The following JPH1 variants were observed in gnomAD, a reference collection of about 807,000 sequenced individuals.
The protein encoded by JPH1 is junctophilin 1.
JPH1 carries 12 observed loss-of-function variants against 53.6 expected under a neutral mutation model. The observed-to-expected ratio is 0.22, with a 90% CI of 0.14 to 0.36. The LOEUF is 0.36. JPH1 is among the 10% of genes least tolerant of loss of function. The pLI, the probability that JPH1 is intolerant of heterozygous loss-of-function variation, is 1.00. For synonymous variants in JPH1, 375 were observed against 363.8 expected, an observed-to-expected ratio of 1.03 and a Z score of -0.35; for missense variants, 808 against 905.5, an observed-to-expected ratio of 0.89 and a Z score of 1.38.
At chr8:74,296,662 A>G (rs1480521424) in intron 2 of JPH1, among the ~76,000 whole-genome samples, 1 of 152,210 alleles carries the variant, frequency 6.6e-6, no homozygotes, top group Admixed American at 6.5e-5. Flanking sequence ...TGCTTGATTC[A>G]GGGCCTGCAA....
chr8:74,276,573 G>A (rs1806855275), intron 2 of JPH1, among the ~76,000 whole-genome samples: 2 of 152,166 alleles, frequency 1.3e-5, no homozygotes, highest in South Asian at 2.1e-4. Context: ...TGTTAACACC[G>A]AGTGCTTATT....
chr8:74,303,573 G>A (rs550510539), intron 2 of JPH1, among the ~76,000 whole-genome samples: 1 of 152,258 alleles, frequency 6.6e-6, no homozygotes, highest in African/African-American at 2.4e-5. Context: ...TAGATCACTA[G>A]TTAGCAGATA....
intron 1 of JPH1, among the ~76,000 whole-genome samples, chr8:74,318,338 T>A (rs1276598438): frequency 3.3e-5 from 5 of 152,212 alleles, no homozygotes; most frequent in Admixed American, 6.5e-5. Context: ...TTTAGGAGTT[T>A]CAGTCAAATT....
chr8:74,314,671 T>C (rs1017622965), intron 2 of JPH1, among the ~76,000 whole-genome samples, 190 bp downstream of exon 2: 19 of 152,220 alleles, frequency 1.2e-4, no homozygotes, highest in Admixed American at 1.2e-3. Context: ...TTTTTGATGA[T>C]GGGAAGTTTC....
chr8:74,315,384 T>G lies in JPH1; in HGVS notation c.616A>C (p.Lys206Gln), dbSNP rs771338567. 1.2e-6 allele frequency: 2 copies of G among 1,612,616 alleles called. No individual in the cohort carries two copies. The highest frequency in any genetic ancestry group is 2.2e-5 in the South Asian group (2 of 91,064). Reference sequence around the variant, plus strand: ...CTCCGGAAGAGGCCGCCCTTCTTCTTGCCCGCTAGCTCAGCGTCTGCGTGG... The same window carrying G: ...CTCCGGAAGAGGCCGCCCTTCTTCTGGCCCGCTAGCTCAGCGTCTGCGTGG... Reference protein sequence around the residue: ...NFHADAELAGKKKGGLFRRGS... With the variant: ...NFHADAELAGQKKGGLFRRGS... Residue 206 changes from lysine to glutamine, a missense_variant, in exon 2 of 6, where the codon AAG becomes CAG. By Grantham distance (53) the Lys-to-Gln change is moderately conservative. Transcript: ENST00000342232. The surrounding 1 kb of genome is among the most constrained non-coding windows in gnomAD (Gnocchi z 6.3).
At chr8:74,258,348 T>C (rs952879432) in intron 3 of JPH1, among the ~76,000 whole-genome samples, 4 of 152,212 alleles carry the variant, frequency 2.6e-5, no homozygotes, top group African/African-American at 7.2e-5. Context: ...TAGGTGAATA[T>C]TGCCTTTTTG....
chr8:74,291,811 T>C (rs949768709), intron 2 of JPH1, among the ~76,000 whole-genome samples: 13 of 151,976 alleles, frequency 8.6e-5, no homozygotes, highest in Non-Finnish European at 1.5e-4. Flanking sequence ...ATTAAGAAAA[T>C]GTGGCACATA....
intron 1 of JPH1, among the ~76,000 whole-genome samples, chr8:74,319,633 G>A (rs1176743813): frequency 6.6e-6 from 1 of 152,156 alleles, no homozygotes; most frequent in Non-Finnish European, 1.5e-5. Context: ...CACGGCCCAA[G>A]TGTTCTGACT....
In JPH1 at chr8:74,320,465, GCCA is replaced by G. The variant is rs915671841; in HGVS notation, c.379+441_379+443del. Among the ~76,000 whole-genome samples the G allele has an allele frequency of 1.3e-5, 2 of 152,128 alleles. No individual in the cohort carries two copies. The highest frequency in any genetic ancestry group is 4.8e-5 in the African/African-American group (2 of 41,428). ...ATCCCGGGAGCGGTCAGCACGGACC[GCCA>G]ACCTCACCCGCTCAGGGTGTTCGCT... is the stretch of plus-strand genomic sequence containing the variant. On this transcript the variant is annotated intron_variant, in intron 1 of 5. Coordinates refer to ENST00000342232, the MANE Select transcript of JPH1 (RefSeq NM_020647.4). The surrounding 1 kb of genome is among the most constrained non-coding windows in gnomAD (Gnocchi z 4.4).
At position 74,314,961 on chromosome 8, in the gene JPH1, T is replaced by C. The variant is rs769570417; in HGVS notation, c.1039A>G (p.Ile347Val). The C allele has an allele frequency of 1.9e-6, 3 of 1,614,246 alleles. No individual in the cohort carries two copies. The highest frequency in any genetic ancestry group is 2.5e-6 in the Non-Finnish European group (3 of 1,180,044). Residue 347 changes from isoleucine to valine, a missense_variant, in exon 2 of 6, where the codon ATA becomes GTA. Ile to Val is a conservative substitution (Grantham distance 29). Transcript: ENST00000342232. Reference protein sequence around the residue: ...VRGIRKQLIPIRHTKTREKVD... With the variant: ...VRGIRKQLIPVRHTKTREKVD... ...TTCTCCCTAGTTTTTGTATGTCTTA[T>C]TGGTATAAGCTGCTTCCTTATCCCA...
At position 74,306,956 on chromosome 8, in the gene JPH1, AG is replaced by A. The variant is rs533353408; in HGVS notation, c.1139+7904del. Among the ~76,000 whole-genome samples, 16 of 152,126 alleles carry A rather than the reference AG, an allele frequency of 1.1e-4. No homozygotes were observed. In the East Asian group the frequency reaches 2.5e-3, roughly 24 times the overall value. On this transcript the variant is annotated intron_variant, in intron 2 of 5. Coordinates refer to ENST00000342232, the MANE Select transcript of JPH1 (RefSeq NM_020647.4). ...TATTATCCTACGTTATCTTCAGAAT[AG>A]TACCTGGGGCATAACTTGATATTTC...
chr8:74,261,315 A>G (rs1806389311), intron 2 of JPH1, among the ~76,000 whole-genome samples: 1 of 152,174 alleles, frequency 6.6e-6, no homozygotes, highest in Non-Finnish European at 1.5e-5. Context: ...AGATGTTAAT[A>G]ATAGGGGATA....
chr8:74,244,432 T>G, intron 4 of JPH1, 97 bp downstream of exon 4: 1 of 1,330,552 alleles, frequency 7.5e-7, no homozygotes, highest in Non-Finnish European at 1.0e-6. Flanking sequence ...GAACCTTGGT[T>G]AGCCTGGCTG....
chr8:74,273,112 A>G (rs1806753194), intron 2 of JPH1, among the ~76,000 whole-genome samples: 1 of 152,218 alleles, frequency 6.6e-6, no homozygotes, highest in Non-Finnish European at 1.5e-5. Flanking sequence ...TAATCTTAGA[A>G]GAAACTATCA....
intron 2 of JPH1, among the ~76,000 whole-genome samples, chr8:74,272,501 G>C (rs1478445151): frequency 6.6e-6 from 1 of 151,470 alleles, no homozygotes; most frequent in Non-Finnish European, 1.5e-5. Flanking sequence ...GCTTTTCCGA[G>C]ACGTCATAGT....
Position 74,245,050 on chromosome 8 carries a change from G to A in JPH1, c.1384C>T (p.Pro462Ser), listed in dbSNP as rs1805816279. The change falls in exon 4 of 6, where the codon CCC (proline) becomes TCC (serine). Residue 462 changes from proline to serine, a missense_variant. Pro to Ser is a moderately conservative substitution (Grantham distance 74). This residue lies in a region of JPH1 where 756 missense variants were observed against 811.9 expected (regional missense o/e 0.93). Transcript: ENST00000342232. ...GGACTTGCCTCAGGAGATCTTGGGG[G>A]TGTCGTGCCTTTGCGATAAAAATGA... The part of the protein sequence containing the change: ...SPHFYRKGTT[P>S]PRSPEASPKH... 2.5e-6 allele frequency: 4 copies of A among 1,613,810 alleles called. No homozygotes were observed. The highest frequency in any genetic ancestry group is 3.4e-6 in the Non-Finnish European group (4 of 1,180,008).
In JPH1 at chr8:74,236,458, G is replaced by A. The variant is rs1563388593; in HGVS notation, c.*593C>T. On this transcript the variant is annotated 3_prime_UTR_variant, in exon 6 of 6. Transcript: ENST00000342232. ...AACGTTCTCTCCCAGAACATTCCAG[G>A]AGATGTTAAAGCAGCAGGTCATGGC... is the stretch of plus-strand genomic sequence containing the variant. 1 of 152,552 alleles carries A rather than the reference G, an allele frequency of 6.6e-6. No individual in the cohort carries two copies. Among genetic ancestry groups the A allele is most frequent in the African/African-American group, 2.4e-5 (1 of 41,418 alleles). 9.4% of individuals were successfully genotyped at this position (152,552 alleles called of 1,614,324 possible). A position where few individuals can be genotyped will look rare whatever the true frequency, so the allele number is the denominator to read the frequency against.
In JPH1 at chr8:74,252,983, C is replaced by T. The variant is rs557437372; in HGVS notation, c.1258+6402G>A. Among the ~76,000 whole-genome samples the T allele has an allele frequency of 2.4e-4, 37 of 152,080 alleles. 1 individual carries two copies. Among genetic ancestry groups the T allele is most frequent in the East Asian group, 1.4e-3 (7 of 5,178 alleles). ...CCACTGTCAACATTAGACAGATCAA[C>T]GAGACAGAAAGTCAACAAGGATACC... On this transcript the variant is annotated intron_variant, in intron 3 of 5. Transcript: ENST00000342232.
In JPH1 at chr8:74,236,078, C is replaced by A. The variant is rs1806988841; in HGVS notation, c.*973G>T. ...TCCATGCAACGTTTGGACTATATTT[C>A]TTAGAATTCTGTTGTGTTTCAGCTT... On this transcript the variant is annotated 3_prime_UTR_variant, in exon 6 of 6. Coordinates refer to ENST00000342232, the MANE Select transcript of JPH1 (RefSeq NM_020647.4). 1 of 152,146 alleles carries A rather than the reference C, an allele frequency of 6.6e-6. No individual in the cohort carries two copies. Among genetic ancestry groups the A allele is most frequent in the Non-Finnish European group, 1.5e-5 (1 of 68,020 alleles). 9.4% of individuals were successfully genotyped at this position (152,146 alleles called of 1,614,324 possible). A position where few individuals can be genotyped will look rare whatever the true frequency, so the allele number is the denominator to read the frequency against.
Sources: allele counts gnomAD v4.1 joint callset (sites outside exome capture counted in the v4.1 genomes callset), GRCh38; gene constraint gnomAD v4.1.1; regional missense constraint gnomAD v4.1.1; non-coding constraint Gnocchi (gnomAD v3.1); transcripts MANE v1.5; gene names NCBI Gene and HGNC (gene_info 2026-07-23, HGNC 2026-07-21).